The following NAPB variants were observed in gnomAD, a reference collection of about 807,000 sequenced individuals.
NAPB encodes the protein NSF attachment protein beta.
Under a neutral mutation model 44.7 loss-of-function variants are expected in NAPB, and 26 were observed. That is an observed-to-expected ratio of 0.58 (90% confidence interval 0.43 to 0.81). NAPB has a LOEUF of 0.81. NAPB is among the 30% of genes least tolerant of loss of function. The pLI is 0.00. For synonymous variants in NAPB, 120 were observed against 116.8 expected, an observed-to-expected ratio of 1.03 and a Z score of -0.18; for missense variants, 315 against 356.4, an observed-to-expected ratio of 0.88 and a Z score of 0.94.
At position 23,389,551 on chromosome 20, in the gene NAPB, G is replaced by A. The variant is rs533265419; in HGVS notation, c.561+395C>T. Among the ~76,000 whole-genome samples the A allele has an allele frequency of 3.3e-5, 5 of 152,212 alleles. No individual in the cohort carries two copies. In the East Asian group the frequency reaches 7.7e-4, roughly 23 times the overall value. ...AAATAAACCATGAGGTATTAGCCACGAAAAACAATGACATACTGACATTTG... is the reference window on the plus strand; with the variant it reads ...AAATAAACCATGAGGTATTAGCCACAAAAAACAATGACATACTGACATTTG... On this transcript the variant is annotated intron_variant, in intron 7 of 10. Coordinates refer to ENST00000377026, the MANE Select transcript of NAPB (RefSeq NM_022080.3).
chr20:23,396,254 T>C (rs1204583942), intron 3 of NAPB, among the ~76,000 whole-genome samples: 3 of 152,226 alleles, frequency 2.0e-5, no homozygotes, highest in East Asian at 1.9e-4. Context: ...TATTCTAAAG[T>C]ACTGATGCAT....
intron 1 of NAPB, among the ~76,000 whole-genome samples, chr20:23,419,244 C>T (rs1482158063): frequency 6.6e-6 from 1 of 152,158 alleles, no homozygotes; most frequent in Non-Finnish European, 1.5e-5. Context: ...AATAAACCAA[C>T]CTGTTGTACC....
rs1982604566 is a variant in NAPB at position 23,377,427 on chromosome 20, G to A, written c.846C>T (p.Arg282=). The A allele has an allele frequency of 6.2e-7, 1 of 1,606,274 alleles. No individual in the cohort carries two copies. The highest frequency in any genetic ancestry group is 8.5e-7 in the Non-Finnish European group (1 of 1,174,824). The change falls in exon 11 of 11, where the codon CGC becomes CGT. Residue 282 remains arginine, a synonymous_variant. Coordinates refer to ENST00000377026, the MANE Select transcript of NAPB (RefSeq NM_022080.3). ...CATCCCCTTGGATGGACTTTTTGAT[G>A]CGAAGCAACATGGTGGTCAGCCACT... ...LDQWLTTMLL[R]IKKSIQGDGE...
chr20:23,409,038 A>C (rs937202711), intron 1 of NAPB, among the ~76,000 whole-genome samples: 3 of 152,244 alleles, frequency 2.0e-5, no homozygotes, highest in African/African-American at 7.2e-5. Flanking sequence ...GGTATGGTGG[A>C]AAGGCCCAGG....
In NAPB at chr20:23,421,414, CG is replaced by C; in HGVS notation, c.-13del. On this transcript the variant is annotated 5_prime_UTR_variant, in exon 1 of 11. Coordinates refer to ENST00000377026, the MANE Select transcript of NAPB (RefSeq NM_022080.3). Reference sequence around the variant, plus strand: ...CCCGCGTTGTCCATGTCGCCCGCCGCGGCCGCCACAGCCCCCTCAGCCGGCT... The same window carrying C: ...CCCGCGTTGTCCATGTCGCCCGCCGCGCCGCCACAGCCCCCTCAGCCGGCT... The C allele has an allele frequency of 6.5e-7, 1 of 1,541,946 alleles. No individual in the cohort carries two copies. Among genetic ancestry groups the C allele is most frequent in the Non-Finnish European group, 8.7e-7 (1 of 1,143,762 alleles).
At chr20:23,414,689 T>C (rs1486930627) in intron 1 of NAPB, among the ~76,000 whole-genome samples, 1 of 152,230 alleles carries the variant, frequency 6.6e-6, no homozygotes, top group Non-Finnish European at 1.5e-5. Flanking sequence ...CCAAGTTTCC[T>C]TACTGTGAAC....
chr20:23,395,470 G>C (rs1984291964), intron 3 of NAPB, among the ~76,000 whole-genome samples: 1 of 152,140 alleles, frequency 6.6e-6, no homozygotes, highest in Admixed American at 6.6e-5. Flanking sequence ...GCAAAAGACT[G>C]TATTATAAAG....
At chr20:23,377,790 A>G (rs1171932490) in intron 10 of NAPB, among the ~76,000 whole-genome samples, 2 of 151,642 alleles carry the variant, frequency 1.3e-5, no homozygotes, top group African/African-American at 2.4e-5. Flanking sequence ...GATATTGTAT[A>G]AAAATTTGAA....
chr20:23,393,257 C>T (rs891141664), intron 5 of NAPB, among the ~76,000 whole-genome samples: 2 of 152,080 alleles, frequency 1.3e-5, no homozygotes, highest in African/African-American at 4.8e-5. Context: ...CACAGGGTGG[C>T]CCTGACTTGA....
At chr20:23,404,361 A>T (rs961465071) in intron 1 of NAPB, among the ~76,000 whole-genome samples, 2 of 152,224 alleles carry the variant, frequency 1.3e-5, no homozygotes, top group African/African-American at 4.8e-5. Flanking sequence ...GAACACATGT[A>T]CATGAAAGAG....
At chr20:23,393,860 G>A (rs1402758173) in intron 5 of NAPB, among the ~76,000 whole-genome samples, 3 of 152,214 alleles carry the variant, frequency 2.0e-5, no homozygotes, top group South Asian at 2.1e-4. Flanking sequence ...AGTCAGCCAC[G>A]TGGACATCTG....
chr20:23,414,753 A>T (rs77978816), intron 1 of NAPB, among the ~76,000 whole-genome samples: 44,958 of 151,788 alleles, frequency 0.3, 6,630 homozygotes, highest in Middle Eastern at 0.37. Flanking sequence ...TGATTTTATA[A>T]CCAATCAGAT....
At chr20:23,391,966 G>A (rs189944454) in intron 5 of NAPB, among the ~76,000 whole-genome samples, 1 of 152,352 alleles carries the variant, frequency 6.6e-6, no homozygotes, top group East Asian at 1.9e-4. Context: ...CTTCAAGGCA[G>A]CTCCTAGTGA....
chr20:23,401,817 A>C (rs1984875112), intron 2 of NAPB, among the ~76,000 whole-genome samples: 1 of 152,158 alleles, frequency 6.6e-6, no homozygotes, highest in Non-Finnish European at 1.5e-5. Context: ...AGAGGCAGAG[A>C]TTGCAGTCAG....
At position 23,376,446 on chromosome 20, in the gene NAPB, T is replaced by C. The variant is rs557552859; in HGVS notation, c.*930A>G. 1 of 152,326 alleles carries C rather than the reference T, an allele frequency of 6.6e-6. No homozygotes were observed. The highest frequency in any genetic ancestry group is 2.1e-4 in the South Asian group (1 of 4,822). The allele number at this position is 152,326 out of a possible 1,614,324, so 9.4% of individuals were successfully genotyped here. ...ACAATAAACAGGAAAATTACATACATTCATTCTCAAGCTTGACTTAGATAA... is the reference window on the plus strand; with the variant it reads ...ACAATAAACAGGAAAATTACATACACTCATTCTCAAGCTTGACTTAGATAA... On this transcript the variant is annotated 3_prime_UTR_variant, in exon 11 of 11. Coordinates refer to ENST00000377026, the MANE Select transcript of NAPB (RefSeq NM_022080.3).
chr20:23,405,291 AAGAAAGAGAGAGAGACAG>A (rs1199902513), intron 1 of NAPB, among the ~76,000 whole-genome samples: 12 of 151,054 alleles, frequency 7.9e-5, no homozygotes, highest in Non-Finnish European at 1.6e-4. Context: ...GAAGAAAAGA[AAGAAAGAGAGAGAGACAG>A]AGAAAGAGAG....
Position 23,402,872 on chromosome 20 carries a change from C to G in NAPB, c.178+121G>C, listed in dbSNP as rs1984948210. 4 of 701,476 alleles carry G rather than the reference C, an allele frequency of 5.7e-6. No homozygotes were observed. In the Admixed American group the frequency reaches 8.1e-5, roughly 14 times the overall value. 43.5% of individuals were successfully genotyped at this position (701,476 alleles called of 1,614,324 possible). A position where few individuals can be genotyped will look rare whatever the true frequency, so the allele number is the denominator to read the frequency against. ...GTCAGTAGCAGCCACATCAGTTATT[C>G]AGCACTGACATCTGTCTCTGGGGCC... On this transcript the variant is annotated intron_variant, in intron 2 of 10. Coordinates refer to ENST00000377026, the MANE Select transcript of NAPB (RefSeq NM_022080.3).
chr20:23,421,439 C>T lies in NAPB; in HGVS notation c.-37G>A. 4 of 1,529,790 alleles carry T rather than the reference C, an allele frequency of 2.6e-6. No homozygotes were observed. The highest frequency in any genetic ancestry group is 2.8e-5 in the African/African-American group (2 of 71,322). The allele number at this position is 1,529,790 out of a possible 1,614,324, so 94.8% of individuals were successfully genotyped here. The stretch of plus-strand genomic sequence containing the variant: ...CGGCCGCCACAGCCCCCTCAGCCGG[C>T]TCGCTGTGCGCCCAGGCGCCTTAAC... On this transcript the variant is annotated 5_prime_UTR_variant, in exon 1 of 11. Transcript: ENST00000377026.
intron 1 of NAPB, among the ~76,000 whole-genome samples, chr20:23,416,169 A>G (rs903851448): frequency 2.0e-5 from 3 of 152,212 alleles, no homozygotes; most frequent in Admixed American, 6.5e-5. Flanking sequence ...CCACAGCAAC[A>G]AAACAGGCAG....
Sources: gnomAD v4.1 joint callset for allele counts (sites outside exome capture counted in the v4.1 genomes callset) on GRCh38, gnomAD v4.1.1 for gene constraint, MANE v1.5 for transcripts, NCBI Gene and HGNC (gene_info 2026-07-23, HGNC 2026-07-21) for gene names.